The following CSMD3 variants were observed in gnomAD, a reference collection of about 807,000 sequenced individuals.
The protein encoded by CSMD3 is CUB and Sushi multiple domains 3, also known as CUB and sushi domain-containing protein 3.
A neutral mutation model predicts 435.2 loss-of-function variants in CSMD3; 177 were observed. The observed-to-expected ratio is 0.41, with a 90% CI of 0.36 to 0.46. The LOEUF is 0.46. Among genes scored for constraint, CSMD3 ranks in the 20% least tolerant of loss-of-function variants. The probability of loss-of-function intolerance (pLI) is 0.34; values close to 1 mark genes in which losing one functional copy is unlikely to be tolerated. For missense variants in CSMD3, 4,265 were observed against 4,504.6 expected (o/e 0.95, Z 1.52); for synonymous variants, 1,656 against 1,520.5 (o/e 1.09, Z -2.07).
intron 3 of CSMD3, among the ~76,000 whole-genome samples, chr8:113,233,777 T>C (rs1328572563): frequency 6.6e-6 from 1 of 152,040 alleles, no homozygotes; most frequent in Non-Finnish European, 1.5e-5. Context: ...ACAATGTATA[T>C]TATAAGGCAA....
At chr8:112,374,575 AATT>A (rs1423963437) in intron 38 of CSMD3, among the ~76,000 whole-genome samples, 2 of 152,152 alleles carry the variant, frequency 1.3e-5, no homozygotes, top group East Asian at 3.9e-4. Context: ...GATTTGATAA[AATT>A]ATTATTTTTC....
chr8:112,546,889 T>A (rs1827231760), intron 27 of CSMD3, among the ~76,000 whole-genome samples: 1 of 152,212 alleles, frequency 6.6e-6, no homozygotes, highest in South Asian at 2.1e-4. Flanking sequence ...GGCTTGATGA[T>A]TATCAAGTTG....
chr8:112,563,769 T>C (rs981487023), intron 24 of CSMD3, among the ~76,000 whole-genome samples: 11 of 152,060 alleles, frequency 7.2e-5, no homozygotes, highest in African/African-American at 1.7e-4. Flanking sequence ...TTTCTGCAAA[T>C]TGTCATCAGT....
At chr8:113,359,515 G>A (rs1396535798) in intron 1 of CSMD3, among the ~76,000 whole-genome samples, 3 of 152,196 alleles carry the variant, frequency 2.0e-5, no homozygotes, top group Non-Finnish European at 1.5e-5. Context: ...TGGTTCTCTA[G>A]GACCTGGAGG....
intron 13 of CSMD3, among the ~76,000 whole-genome samples, chr8:112,769,659 TAC>T (rs1485986097): frequency 6.6e-6 from 1 of 151,980 alleles, no homozygotes; most frequent in Non-Finnish European, 1.5e-5. Flanking sequence ...CCTCAATAAT[TAC>T]ACTTTTAGAA....
At chr8:113,325,553 A>G (rs1051122453) in intron 1 of CSMD3, among the ~76,000 whole-genome samples, 15 of 152,078 alleles carry the variant, frequency 9.9e-5, no homozygotes, top group African/African-American at 3.6e-4. Context: ...TAAATTGTTG[A>G]GTCTCGGGTA....
At chr8:113,225,927 C>T (rs1356927606) in intron 3 of CSMD3, among the ~76,000 whole-genome samples, 2 of 151,356 alleles carry the variant, frequency 1.3e-5, no homozygotes, top group Non-Finnish European at 3.0e-5. Context: ...AGGCTGTTCC[C>T]CCCTGCTGTC....
At chr8:113,108,405 T>TA (rs1445376486) in intron 4 of CSMD3, among the ~76,000 whole-genome samples, 1 of 146,086 alleles carries the variant, frequency 6.8e-6, no homozygotes, top group Non-Finnish European at 1.5e-5. Flanking sequence ...GCCAGCCTAG[T>TA]GAGAGGACGA....
intron 38 of CSMD3, among the ~76,000 whole-genome samples, chr8:112,363,907 T>A (rs182325377): frequency 6.6e-6 from 1 of 152,148 alleles, no homozygotes; most frequent in Non-Finnish European, 1.5e-5. Context: ...ACAATTAATA[T>A]TTATTACATT....
intron 9 of CSMD3, among the ~76,000 whole-genome samples, chr8:112,944,284 C>G (rs529756577): frequency 6.6e-6 from 1 of 151,632 alleles, no homozygotes; most frequent in Non-Finnish European, 1.5e-5. Flanking sequence ...CTAGCAGCAT[C>G]TCTTCTCCAC....
intron 32 of CSMD3, among the ~76,000 whole-genome samples, chr8:112,470,084 C>CTGTT (rs1196386265): frequency 2.6e-5 from 4 of 152,036 alleles, no homozygotes; most frequent in Admixed American, 1.3e-4. Context: ...GAAGGTAATA[C>CTGTT]GAAGAAGTCA....
chr8:113,085,652 T>C (rs1049842601), intron 5 of CSMD3, among the ~76,000 whole-genome samples: 10 of 152,106 alleles, frequency 6.6e-5, no homozygotes, highest in African/African-American at 2.4e-4. Context: ...CTAAAGAACA[T>C]TATTTTAAGT....
intron 3 of CSMD3, among the ~76,000 whole-genome samples, chr8:113,257,367 C>T (rs1341609019): frequency 6.6e-6 from 1 of 152,102 alleles, no homozygotes; most frequent in Admixed American, 6.5e-5. Flanking sequence ...GCCAAGATGG[C>T]ACCACTGCAC....
rs2092143493 is a variant in CSMD3 at position 113,166,095 on chromosome 8, A to G, written c.709+7627T>C. Among the ~76,000 whole-genome samples, 4 of 152,298 alleles carry G rather than the reference A, an allele frequency of 2.6e-5. No individual in the cohort carries two copies. The South Asian group carries it at 8.3e-4, about 32-fold the overall frequency. ...CAATAACCCAGATCACCTTTCAAAT[A>G]CAAAACTCCCATATTCAAATACAAA... On this transcript the variant is annotated intron_variant, in intron 4 of 70. Transcript: ENST00000297405.
chr8:113,032,790 C>G (rs2087171462), intron 5 of CSMD3, among the ~76,000 whole-genome samples: 1 of 151,530 alleles, frequency 6.6e-6, no homozygotes, highest in Non-Finnish European at 1.5e-5. Context: ...TGTCAGAGAA[C>G]TTCACAGCAG....
chr8:112,721,411 C>T (rs551814624), intron 13 of CSMD3, among the ~76,000 whole-genome samples: 1 of 152,050 alleles, frequency 6.6e-6, no homozygotes, highest in South Asian at 2.1e-4. Flanking sequence ...CCTGTCTCTA[C>T]TAAAAATACA....
chr8:112,618,402 G>T (rs1254962320), intron 22 of CSMD3, among the ~76,000 whole-genome samples: 1 of 152,054 alleles, frequency 6.6e-6, no homozygotes, highest in Non-Finnish European at 1.5e-5. Flanking sequence ...CTGTTCCTTT[G>T]CAAGAAAAGA....
chr8:113,173,779 A>C lies in CSMD3; in HGVS notation c.652T>G (p.Cys218Gly). The change falls in exon 4 of 71, where the codon TGC becomes GGC. Residue 218 changes from cysteine (C) to glycine (G), a missense_variant. Coordinates refer to ENST00000297405, the MANE Select transcript of CSMD3 (RefSeq NM_198123.2). ...YILDGHPQLT[C>G]IANSVNTASW... ...GCTGTATTAACTGAATTGGCTATGC[A>C]GGTGAGCTGAGGGTGGCCATCAAGG... 6.2e-7 allele frequency: 1 copy of C among 1,613,772 alleles called. No individual in the cohort carries two copies. The highest frequency in any genetic ancestry group is 8.5e-7 in the Non-Finnish European group (1 of 1,179,724).
At chr8:112,511,699 C>T (rs1445414360) in intron 28 of CSMD3, among the ~76,000 whole-genome samples, 4 of 151,852 alleles carry the variant, frequency 2.6e-5, no homozygotes, top group African/African-American at 4.8e-5. Flanking sequence ...GTGGCATTTT[C>T]GTAAAATAAG....
Sources: gnomAD v4.1 joint callset for allele counts (sites outside exome capture counted in the v4.1 genomes callset) on GRCh38, gnomAD v4.1.1 for gene constraint, MANE v1.5 for transcripts, NCBI Gene and HGNC (gene_info 2026-07-23, HGNC 2026-07-21) for gene names.